SUZ12: variants seen among roughly 807,000 people sequenced by gnomAD.
SUZ12 encodes polycomb protein SUZ12.
Under a neutral mutation model 87.3 loss-of-function variants are expected in SUZ12, and 17 were observed. That is an observed-to-expected ratio of 0.19 (90% CI 0.13 to 0.29). The LOEUF (loss-of-function observed/expected upper bound fraction) is 0.29, where lower values mean the gene tolerates loss of function less well. Among genes scored for constraint, SUZ12 ranks in the 10% least tolerant of loss-of-function variants. The probability of loss-of-function intolerance (pLI) is 1.00; values close to 1 mark genes in which losing one functional copy is unlikely to be tolerated. For missense variants in SUZ12, 526 were observed against 912.2 expected, an observed-to-expected ratio of 0.58 and a Z score of 5.45; for synonymous variants, 253 against 312.4, an observed-to-expected ratio of 0.81 and a Z score of 2.01.
At chr17:31,996,333 C>T (rs1490511977) in intron 14 of SUZ12, among the ~76,000 whole-genome samples, 6 of 152,038 alleles carry the variant, frequency 3.9e-5, no homozygotes, top group South Asian at 2.1e-4. Context: ...TTTTAAATGA[C>T]GGCAGGTGTG....
chr17:31,959,496 G>C (rs1331531401), intron 4 of SUZ12, among the ~76,000 whole-genome samples: 1 of 152,096 alleles, frequency 6.6e-6, no homozygotes, highest in Non-Finnish European at 1.5e-5. Flanking sequence ...TATTGGACTT[G>C]ATGTAGACAC....
At position 31,949,023 on chromosome 17, in the gene SUZ12, C is replaced by T; in HGVS notation, c.455+1338C>T. 2.4e-5 allele frequency among the ~76,000 whole-genome samples: 3 copies of T among 124,070 alleles called. No homozygotes were observed. In the East Asian group the frequency reaches 5.8e-4, roughly 24 times the overall value. The allele number at this position is 124,070 out of a possible 152,430, so 81.4% of individuals were successfully genotyped here. On this transcript the variant is annotated intron_variant, in intron 4 of 15. Coordinates refer to ENST00000322652, the MANE Select transcript of SUZ12 (RefSeq NM_015355.4). ...GTCTGACCTCCCTGCTTCTTTTCTC[C>T]TGACCACATTAAAAGTTTGCCCTAT...
Position 31,994,606 on chromosome 17 carries a change from T to A in SUZ12, c.1480T>A (p.Cys494Ser). 5 of 1,613,936 alleles carry A rather than the reference T, an allele frequency of 3.1e-6. No individual in the cohort carries two copies. Among genetic ancestry groups the A allele is most frequent in the Non-Finnish European group, 4.2e-6 (5 of 1,179,968 alleles). Residue 494 changes from cysteine to serine, a missense_variant, in exon 13 of 16, where the codon TGT becomes AGT. By Grantham distance (112) the Cys-to-Ser change is moderately radical. Around this residue, in one of 9 missense-constraint regions of SUZ12, gnomAD observed 143 missense variants for 321.6 expected, o/e 0.44. Coordinates refer to ENST00000322652, the MANE Select transcript of SUZ12 (RefSeq NM_015355.4). ...GARIDVSINE[C>S]YDGSYAGNPQ... is the part of the protein sequence containing the mutation. Reference sequence around the variant, plus strand: ...TAGGATAGATGTTTCTATCAATGAGTGTTATGATGGCTCCTATGCAGGAAA... The same window carrying A: ...TAGGATAGATGTTTCTATCAATGAGAGTTATGATGGCTCCTATGCAGGAAA...
intron 14 of SUZ12, among the ~76,000 whole-genome samples, chr17:31,996,563 G>T (rs1487907708): frequency 6.6e-6 from 1 of 152,196 alleles, no homozygotes; most frequent in Non-Finnish European, 1.5e-5. Flanking sequence ...AGGTTTCAGT[G>T]AACTGAGATC....
chr17:31,972,343 G>A (rs1186457136), intron 5 of SUZ12, among the ~76,000 whole-genome samples: 1 of 146,686 alleles, frequency 6.8e-6, no homozygotes, highest in Non-Finnish European at 1.5e-5. Context: ...GTATATATAT[G>A]TGTATATATA....
At chr17:31,980,697 C>T (rs1259219774) in intron 8 of SUZ12, among the ~76,000 whole-genome samples, 1 of 151,910 alleles carries the variant, frequency 6.6e-6, no homozygotes, top group African/African-American at 2.4e-5. Flanking sequence ...ATCCTCCCAC[C>T]TCAGCCTCCC....
chr17:31,970,954 T>C (rs970123492), intron 5 of SUZ12, among the ~76,000 whole-genome samples: 2 of 152,228 alleles, frequency 1.3e-5, no homozygotes, highest in African/African-American at 4.8e-5. Context: ...TATGAACTGT[T>C]AATACCTTTG....
rs1473822097 is a variant in SUZ12, at chr17:32,000,010, A to T, written c.*1007A>T. On this transcript the variant is annotated 3_prime_UTR_variant, in exon 16 of 16. Coordinates refer to ENST00000322652, the MANE Select transcript of SUZ12 (RefSeq NM_015355.4). ...TATCCAATAGAGATAAGCTGACTTG[A>T]ATCATTTTGAGCAATTTTGCCCTGT... 4.3e-6 allele frequency: 1 copy of T among 232,680 alleles called. No individual in the cohort carries two copies. Among genetic ancestry groups the T allele is most frequent in the Non-Finnish European group, 8.5e-6 (1 of 117,822 alleles). 14.4% of individuals were successfully genotyped at this position (232,680 alleles called of 1,614,324 possible).
At chr17:31,950,963 G>T (rs1906940933) in intron 4 of SUZ12, among the ~76,000 whole-genome samples, 2 of 152,010 alleles carry the variant, frequency 1.3e-5, no homozygotes, top group South Asian at 4.1e-4. Flanking sequence ...TGTATTTTTA[G>T]TAGAGACGGG....
intron 1 of SUZ12, 142 bp from the exon 2 acceptor site, chr17:31,940,144 A>T: frequency 1.6e-6 from 2 of 1,279,702 alleles, no homozygotes; most frequent in Non-Finnish European, 2.1e-6. Flanking sequence ...TACTTTCTTG[A>T]TGTAAATATT....
At chr17:31,962,395 A>T (rs149166155) in intron 4 of SUZ12, among the ~76,000 whole-genome samples, 8 of 152,330 alleles carry the variant, frequency 5.3e-5, no homozygotes, top group Admixed American at 1.3e-4. Context: ...GTTTGAGACC[A>T]GCCTGGGTAA....
At chr17:31,971,481 G>A (rs2142170986) in intron 5 of SUZ12, among the ~76,000 whole-genome samples, 1 of 144,656 alleles carries the variant, frequency 6.9e-6, no homozygotes, top group South Asian at 2.2e-4. Flanking sequence ...AGGCTGGAGT[G>A]CAATGGTGTG....
intron 4 of SUZ12, among the ~76,000 whole-genome samples, chr17:31,960,247 G>A (rs953248738): frequency 6.6e-6 from 1 of 151,900 alleles, no homozygotes; most frequent in Admixed American, 6.6e-5. Flanking sequence ...GTCTCGCTCT[G>A]TTGCCCAGGT....
rs771533642 is a variant in SUZ12 at position 31,966,211 on chromosome 17, GTAAA to G, written c.505+20_505+23del. The G allele has an allele frequency of 5.0e-6, 8 of 1,591,666 alleles. No homozygotes were observed. In the African/African-American group the frequency reaches 6.8e-5, roughly 14 times the overall value. On this transcript the variant is annotated intron_variant, in intron 5 of 15. Coordinates refer to ENST00000322652, the MANE Select transcript of SUZ12 (RefSeq NM_015355.4). Reference sequence around the variant, plus strand: ...CCACAAAAATGGTATGTATTTAAAAGTAAATAAAGTGGCATTTTAATAGCAAGAT... The same window carrying G: ...CCACAAAAATGGTATGTATTTAAAAGTAAAGTGGCATTTTAATAGCAAGAT...
At chr17:31,996,282 C>A (rs962312457) in intron 14 of SUZ12, among the ~76,000 whole-genome samples, 1 of 152,124 alleles carries the variant, frequency 6.6e-6, no homozygotes, top group Admixed American at 6.6e-5. Flanking sequence ...TGTGTGTTTT[C>A]ATTTCTATAT....
At position 31,989,811 on chromosome 17, in the gene SUZ12, T is replaced by A. The variant is rs535680518; in HGVS notation, c.1201+1314T>A. ...TTTTTAGTAGAGACGGGGTTTCACC[T>A]TGTTAGCCAGGATGGTCTCGATCTC... On this transcript the variant is annotated intron_variant, in intron 10 of 15. Coordinates refer to ENST00000322652, the MANE Select transcript of SUZ12 (RefSeq NM_015355.4). 4.3e-4 allele frequency among the ~76,000 whole-genome samples: 64 copies of A among 148,758 alleles called. No homozygotes were observed. In the East Asian group the frequency reaches 7.6e-3, roughly 18 times the overall value.
chr17:31,960,893 A>G (rs1236206248), intron 4 of SUZ12, among the ~76,000 whole-genome samples: 2 of 152,100 alleles, frequency 1.3e-5, no homozygotes, highest in East Asian at 3.8e-4. Flanking sequence ...GTTGTCTTTT[A>G]AAATTGGTTA....
At chr17:31,960,810 C>G (rs1907664800) in intron 4 of SUZ12, among the ~76,000 whole-genome samples, 1 of 152,138 alleles carries the variant, frequency 6.6e-6, no homozygotes, top group Admixed American at 6.5e-5. Flanking sequence ...AACTCCTGAC[C>G]TCAAGTGATT....
chr17:31,995,826 C>A, intron 14 of SUZ12, 64 bp downstream of exon 14: 12 of 1,205,784 alleles, frequency 1.0e-5, no homozygotes, highest in South Asian at 2.9e-5. Context: ...AAATTGCTTA[C>A]TATGAACTAG....
Sources: allele counts gnomAD v4.1 joint callset (sites outside exome capture counted in the v4.1 genomes callset), GRCh38; gene constraint gnomAD v4.1.1; regional missense constraint gnomAD v4.1.1; transcripts MANE v1.5; gene names NCBI Gene and HGNC (gene_info 2026-07-23, HGNC 2026-07-21).